The following ZNF638 variants were observed in gnomAD, a reference collection of about 807,000 sequenced individuals.
ZNF638 encodes the protein zinc finger protein 638.
In ZNF638, 46 loss-of-function variants were observed where a neutral mutation model predicts 195.6. The ratio of observed to expected loss-of-function variants is 0.24; its 90% CI spans 0.19 to 0.30. The LOEUF is 0.30. ZNF638 is among the 10% of genes least tolerant of loss of function. ZNF638 has a pLI of 1.00. For missense variants in ZNF638, 2,440 were observed against 2,325.3 expected (o/e 1.05, Z -1.01); for synonymous variants, 845 against 772.0 (o/e 1.09, Z -1.57).
intron 20 of ZNF638, among the ~76,000 whole-genome samples, chr2:71,418,062 T>C (rs1019872897): frequency 1.3e-5 from 2 of 152,240 alleles, no homozygotes; most frequent in Non-Finnish European, 2.9e-5. Flanking sequence ...ATATAGGGAC[T>C]GATTTTTAAT....
intron 1 of ZNF638, among the ~76,000 whole-genome samples, chr2:71,339,535 A>AATG (rs1393136137): frequency 1.3e-5 from 2 of 152,342 alleles, no homozygotes; most frequent in East Asian, 3.9e-4. Flanking sequence ...CATGAAGAAA[A>AATG]GCAAATAACC....
At chr2:71,368,267 G>A (rs1489144570) in intron 6 of ZNF638, 115 bp from the exon 7 acceptor site, 2 of 939,870 alleles carry the variant, frequency 2.1e-6, no homozygotes, top group African/African-American at 3.4e-5. Flanking sequence ...AAAAAATATG[G>A]AAAAGACCCT....
At chr2:71,377,877 G>A (rs532598996) in intron 8 of ZNF638, among the ~76,000 whole-genome samples, 15 of 152,314 alleles carry the variant, frequency 9.8e-5, no homozygotes, top group Admixed American at 2.0e-4. Context: ...AAATAGTCTA[G>A]CCTTAGATTG....
chr2:71,331,930 T>TG (rs1244331163), intron 1 of ZNF638, 55 bp downstream of exon 1: 3 of 985,366 alleles, frequency 3.0e-6, no homozygotes, highest in East Asian at 2.3e-4. Context: ...GCCGGTATCG[T>TG]GGGGGTCCTG....
chr2:71,405,687 G>A, intron 18 of ZNF638, 45 bp downstream of exon 18: 2 of 1,325,848 alleles, frequency 1.5e-6, no homozygotes, highest in East Asian at 2.4e-5. Flanking sequence ...TTTAATTGAT[G>A]GAAACATTGT....
intron 7 of ZNF638, 87 bp downstream of exon 7, chr2:71,368,615 G>T: frequency 7.4e-7 from 1 of 1,346,814 alleles, no homozygotes; most frequent in Non-Finnish European, 1.0e-6. Context: ...TTAGCTGCTT[G>T]TACTGCATAT....
chr2:71,433,571 G>A (rs2080709448), intron 27 of ZNF638: 1 of 255,674 alleles, frequency 3.9e-6, no homozygotes, highest in African/African-American at 2.2e-5. Context: ...CTCTTGTCAT[G>A]TAGACATTAG....
chr2:71,365,806 A>G (rs1352987561), intron 6 of ZNF638, 100 bp downstream of exon 6: 3 of 1,162,810 alleles, frequency 2.6e-6, no homozygotes, highest in South Asian at 1.7e-5. Flanking sequence ...TGCAGCCTCG[A>G]TCTCCTGGGC....
rs776040505 is a variant in ZNF638 at position 71,363,940 on chromosome 2, C to T, written c.1419-14C>T. On this transcript the variant is annotated splice_polypyrimidine_tract_variant and intron_variant, in intron 4 of 27. Transcript: ENST00000264447. ...AATTGCTGATCACTTTCTTTTCCGC[C>T]CCCCTGCTTGTAGAAATGAGGGCAA... 2 of 1,592,736 alleles carry T rather than the reference C, an allele frequency of 1.3e-6. No homozygotes were observed. Among genetic ancestry groups the T allele is most frequent in the South Asian group, 1.1e-5 (1 of 87,622 alleles).
At chr2:71,370,516 T>C (rs974326513) in intron 8 of ZNF638, among the ~76,000 whole-genome samples, 1 of 152,232 alleles carries the variant, frequency 6.6e-6, no homozygotes, top group Non-Finnish European at 1.5e-5. Context: ...TCAGTTCATA[T>C]GATCGTAGAT....
chr2:71,345,790 G>C (rs2078841618), intron 1 of ZNF638, among the ~76,000 whole-genome samples: 1 of 152,180 alleles, frequency 6.6e-6, no homozygotes, highest in Non-Finnish European at 1.5e-5. Context: ...ACCGGCGTGA[G>C]TGAGCTACCT....
rs754851934 is a variant in ZNF638, at chr2:71,423,292, G to A, written c.3778G>A (p.Glu1260Lys). The A allele has an allele frequency of 1.9e-6, 3 of 1,613,896 alleles. No individual in the cohort carries two copies. The highest frequency in any genetic ancestry group is 2.2e-5 in the South Asian group (2 of 91,080). Reference sequence around the variant, plus strand: ...TTCTGGAATTACACAGACTATGGTAGAAGCTGTAGCTGAAGTAGAAAAAAA... The same window carrying A: ...TTCTGGAATTACACAGACTATGGTAAAAGCTGTAGCTGAAGTAGAAAAAAA... ...FISGITQTMV[E>K]AVAEVEKNET... The change falls in exon 22 of 28, where the codon GAA (glutamate) becomes AAA (lysine). Residue 1260 changes from glutamate (E) to lysine (K), a missense_variant. Glu to Lys is a moderately conservative substitution (Grantham distance 56). Transcript: ENST00000264447.
chr2:71,331,963 C>T (rs1266183843), intron 1 of ZNF638, 88 bp downstream of exon 1: 1 of 977,816 alleles, frequency 1.0e-6, no homozygotes, highest in Non-Finnish European at 1.2e-6. Flanking sequence ...GAGATCCGGG[C>T]CGACTATTGT....
intron 10 of ZNF638, among the ~76,000 whole-genome samples, chr2:71,383,005 T>A (rs1314627115): frequency 6.6e-6 from 1 of 152,218 alleles, no homozygotes. Flanking sequence ...TTTTGTTTAA[T>A]CTTTCAAACC....
chr2:71,405,084 T>C (rs6725842), intron 17 of ZNF638, among the ~76,000 whole-genome samples: 3,459 of 151,994 alleles, frequency 0.023, 130 homozygotes, highest in African/African-American at 0.079. Context: ...CTCAGTCTTA[T>C]AAAGTCCAAG....
At chr2:71,406,056 T>A in intron 18 of ZNF638, 72 bp from the exon 19 acceptor site, 1 of 1,558,820 alleles carries the variant, frequency 6.4e-7, no homozygotes. Flanking sequence ...AATAGTAAGT[T>A]AATGTTAATC....
chr2:71,367,771 A>G (rs1291511191), intron 6 of ZNF638, among the ~76,000 whole-genome samples: 1 of 146,304 alleles, frequency 6.8e-6, no homozygotes, highest in Non-Finnish European at 1.5e-5. Flanking sequence ...GAGTCTTAGT[A>G]TGTTGCCCAT....
Position 71,393,708 on chromosome 2 carries a change from T to A in ZNF638, c.2378-2433T>A, listed in dbSNP as rs190335399. ...CGCTTCCCCTGCAACCCGTACCGGC[T>A]ACACTCTATTGGGCTCATCTGTTAG... On this transcript the variant is annotated intron_variant, in intron 10 of 27. Coordinates refer to ENST00000264447, the MANE Select transcript of ZNF638 (RefSeq NM_014497.5). 2.0e-5 allele frequency: 14 copies of A among 687,394 alleles called. No individual in the cohort carries two copies. The East Asian group carries it at 3.8e-4, about 19-fold the overall frequency. 42.6% of individuals were successfully genotyped at this position (687,394 alleles called of 1,614,324 possible).
At chr2:71,405,536 A>G (rs2080089514) in intron 17 of ZNF638, 65 bp from the exon 18 acceptor site, 2 of 996,496 alleles carry the variant, frequency 2.0e-6, no homozygotes, top group African/African-American at 1.7e-5. Context: ...ATAAATCTTA[A>G]CTAAGTAAGT....
Sources: allele counts gnomAD v4.1 joint callset (sites outside exome capture counted in the v4.1 genomes callset), GRCh38; gene constraint gnomAD v4.1.1; transcripts MANE v1.5; gene names NCBI Gene and HGNC (gene_info 2026-07-23, HGNC 2026-07-21).